TRIP10: variants seen among roughly 807,000 people sequenced by gnomAD.
TRIP10 encodes the protein thyroid hormone receptor interactor 10, also known as cdc42-interacting protein 4.
TRIP10 carries 54 observed loss-of-function variants against 80.9 expected under a neutral mutation model. That is an observed-to-expected ratio of 0.67 (90% CI 0.54 to 0.84). The LOEUF is 0.84. Ranked by LOEUF, TRIP10 falls within the 40% of genes least tolerant of loss-of-function variation. The pLI, the probability that TRIP10 is intolerant of heterozygous loss-of-function variation, is 0.00. For missense variants in TRIP10, 773 were observed against 815.3 expected, an observed-to-expected ratio of 0.95 and a Z score of 0.63; for synonymous variants, 321 against 307.2, an observed-to-expected ratio of 1.04 and a Z score of -0.47.
rs995385222 is a variant in TRIP10, at chr19:6,745,184, G to A, written c.984+190G>A. The A allele has an allele frequency of 1.3e-5, 10 of 768,938 alleles. No homozygotes were observed. The highest frequency in any genetic ancestry group is 1.9e-5 in the South Asian group (1 of 51,566). 47.6% of individuals were successfully genotyped at this position (768,938 alleles called of 1,614,324 possible). A position where few individuals can be genotyped will look rare whatever the true frequency, so the allele number is the denominator to read the frequency against. Reference sequence around the variant, plus strand: ...TGGGAGTCCCCCGAGGCGAAGGCGGGGGCAGGGTGGGGAGGTGGGGAGGTC... The same window carrying A: ...TGGGAGTCCCCCGAGGCGAAGGCGGAGGCAGGGTGGGGAGGTGGGGAGGTC... On this transcript the variant is annotated intron_variant, in intron 9 of 14. Transcript: ENST00000313244. This position sits in a 1 kb window ranked among gnomAD's most constrained non-coding sequence, Gnocchi z 7.2.
intron 14 of TRIP10, 129 bp downstream of exon 14, chr19:6,750,762 G>A (rs1272947974): frequency 7.3e-7 from 1 of 1,368,456 alleles, no homozygotes; most frequent in Non-Finnish European, 9.9e-7. Context: ...TTGGGAAGCT[G>A]AGGCAGGCAG....
At position 6,744,645 on chromosome 19, in the gene TRIP10, T is replaced by C. The variant is rs1009097175; in HGVS notation, c.734T>C (p.Ile245Thr). 3.1e-6 allele frequency: 5 copies of C among 1,613,186 alleles called. No individual in the cohort carries two copies. In the African/African-American group the frequency reaches 4.0e-5, roughly 13 times the overall value. ...SEAELEVVPIIAKCLEGMKVA... is the reference protein window; with the variant it reads ...SEAELEVVPITAKCLEGMKVA... Reference sequence around the variant, plus strand: ...GCCGAGCTGGAGGTGGTGCCCATAATAGCCAAGTGCTTGGAGGGCATGAAG... The same window carrying C: ...GCCGAGCTGGAGGTGGTGCCCATAACAGCCAAGTGCTTGGAGGGCATGAAG... Residue 245 changes from isoleucine (I) to threonine (T), a missense_variant, in exon 8 of 15, where the codon ATA becomes ACA. By Grantham distance (89) the Ile-to-Thr change is moderately conservative. Coordinates refer to ENST00000313244, the MANE Select transcript of TRIP10 (RefSeq NM_001288962.2). This position sits in a 1 kb window ranked among gnomAD's most constrained non-coding sequence, Gnocchi z 4.9.
rs554644556 is a variant in TRIP10, at chr19:6,742,741, C to T, written c.198-226C>T. 4.0e-4 allele frequency among the ~76,000 whole-genome samples: 59 copies of T among 148,838 alleles called. 1 individual carries two copies. The highest frequency in any genetic ancestry group is 3.4e-3 in the Middle Eastern group (1 of 294). On this transcript the variant is annotated intron_variant, in intron 3 of 14. Coordinates refer to ENST00000313244, the MANE Select transcript of TRIP10 (RefSeq NM_001288962.2). ...AGGCTGCAGTGAGACGCAATCATGC[C>T]GCTGCACTGCAGCCTGGGTGACAGC...
At chr19:6,743,158 G>C in intron 4 of TRIP10, 36 bp from the exon 5 acceptor site, 2 of 1,614,064 alleles carry the variant, frequency 1.2e-6, no homozygotes, top group African/African-American at 2.7e-5. Flanking sequence ...GCTTCTGCTG[G>C]AACCCTGGCG....
chr19:6,746,255 G>A lies in TRIP10; in HGVS notation c.1152+59G>A. ...GCCCTAGCCTGCCCAGCGGCGGGTGGCGGGACCCTGGGCTCGCTTCCTGCC... is the reference window on the plus strand; with the variant it reads ...GCCCTAGCCTGCCCAGCGGCGGGTGACGGGACCCTGGGCTCGCTTCCTGCC... On this transcript the variant is annotated intron_variant, in intron 10 of 14. Coordinates refer to ENST00000313244, the MANE Select transcript of TRIP10 (RefSeq NM_001288962.2). This position sits in a 1 kb window ranked among gnomAD's most constrained non-coding sequence, Gnocchi z 6.2. 6.7e-7 allele frequency: 1 copy of A among 1,483,860 alleles called. No homozygotes were observed. Among genetic ancestry groups the A allele is most frequent in the South Asian group, 1.4e-5 (1 of 73,666 alleles). 91.9% of individuals were successfully genotyped at this position (1,483,860 alleles called of 1,614,324 possible).
intron 6 of TRIP10, 27 bp downstream of exon 6, chr19:6,743,625 G>GTGGGGGGGGGGGGGGGGGGGGGGGGT: frequency 7.7e-7 from 1 of 1,295,424 alleles, no homozygotes; most frequent in Admixed American, 1.9e-5. Flanking sequence ...CGGGGGGGGG[G>GTGGGGGGGGGGGGGGGGGGGGGGGGT]TGCGGGGTCT....
At position 6,746,052 on chromosome 19, in the gene TRIP10, C is replaced by G. The variant is rs1014344997; in HGVS notation, c.1008C>G (p.Pro336=). 2.5e-5 allele frequency: 36 copies of G among 1,437,134 alleles called. No individual in the cohort carries two copies. Among genetic ancestry groups the G allele is most frequent in the Middle Eastern group, 1.9e-4 (1 of 5,314 alleles). The allele number at this position is 1,437,134 out of a possible 1,614,324, so 89.0% of individuals were successfully genotyped here. The change falls in exon 10 of 15, where the codon CCC becomes CCG. Residue 336 remains proline (P), a synonymous_variant. Coordinates refer to ENST00000313244, the MANE Select transcript of TRIP10 (RefSeq NM_001288962.2). This position sits in a 1 kb window ranked among gnomAD's most constrained non-coding sequence, Gnocchi z 6.2. ...KNKPRPPPLS[P]LGGPVPSALP... Reference sequence around the variant, plus strand: ...AGCCTCGCCCCCCACCCCTCTCCCCCCTGGGGGGCCCCGTACCCTCGGCAT... The same window carrying G: ...AGCCTCGCCCCCCACCCCTCTCCCCGCTGGGGGGCCCCGTACCCTCGGCAT...
rs777753704 is a variant in TRIP10 at position 6,749,974 on chromosome 19, C to A, written c.1303C>A (p.Pro435Thr). ...KKMKDVYEKT[P>T]QMGDPASLEP... ...AATGAAGGATGTCTATGAGAAGACA[C>A]CTCAGATGGGGGACCCCGCCAGCTT... Residue 435 changes from proline (P) to threonine (T), a missense_variant, in exon 12 of 15, where the codon CCT becomes ACT. By Grantham distance (38) the Pro-to-Thr change is conservative. Transcript: ENST00000313244. 6.2e-7 allele frequency: 1 copy of A among 1,614,164 alleles called. No individual in the cohort carries two copies. The highest frequency in any genetic ancestry group is 2.2e-5 in the East Asian group (1 of 44,890).
chr19:6,744,352 G>A lies in TRIP10; in HGVS notation c.643-202G>A, dbSNP rs987990552. Reference sequence around the variant, plus strand: ...GCCTTTGCTGACCCCCTAGGCACGCGTCCCCCTCTGAGATCCCCCTGGCCC... The same window carrying A: ...GCCTTTGCTGACCCCCTAGGCACGCATCCCCCTCTGAGATCCCCCTGGCCC... On this transcript the variant is annotated intron_variant, in intron 7 of 14. Transcript: ENST00000313244. The surrounding 1 kb of genome is among the most constrained non-coding windows in gnomAD (Gnocchi z 4.9). Among the ~76,000 whole-genome samples the A allele has an allele frequency of 2.0e-5, 3 of 152,060 alleles. No homozygotes were observed. The highest frequency in any genetic ancestry group is 4.8e-5 in the African/African-American group (2 of 41,386).
chr19:6,750,953 G>A, intron 14 of TRIP10, 110 bp from the exon 15 acceptor site: 10 of 1,396,154 alleles, frequency 7.2e-6, no homozygotes, highest in Non-Finnish European at 9.4e-6. Context: ...CAAGATCCGT[G>A]CCACTGCACT....
At chr19:6,743,399 C>G in intron 5 of TRIP10, 95 bp from the exon 6 acceptor site, 1 of 1,533,176 alleles carries the variant, frequency 6.5e-7, no homozygotes, top group Non-Finnish European at 9.0e-7. Flanking sequence ...CCCCTACTTA[C>G]TGGATGACAT....
chr19:6,741,168 G>A (rs1040783701), intron 2 of TRIP10, 43 bp downstream of exon 2: 1 of 1,613,758 alleles, frequency 6.2e-7, no homozygotes, highest in Non-Finnish European at 8.5e-7. Context: ...CGCCTGGGGC[G>A]ACGGGGAGCG....
Position 6,751,095 on chromosome 19 carries a change from G to A in TRIP10, c.1690G>A (p.Gly564Ser), listed in dbSNP as rs1277693810. 6.2e-7 allele frequency: 1 copy of A among 1,607,222 alleles called. No individual in the cohort carries two copies. Among genetic ancestry groups the A allele is most frequent in the Admixed American group, 1.7e-5 (1 of 59,542 alleles). Residue 564 changes from glycine to serine, a missense_variant, in exon 15 of 15, where the codon GGT (glycine) becomes AGT (serine). Coordinates refer to ENST00000313244, the MANE Select transcript of TRIP10 (RefSeq NM_001288962.2). The stretch of plus-strand genomic sequence containing the variant: ...CGAGGGCACTATCTCTATGGCCGAG[G>A]GTGAAGACCTCAGTCTTATGGAAGA... ...SSEGTISMAE[G>S]EDLSLMEEDK...
Position 6,744,648 on chromosome 19 carries a change from C to A in TRIP10, c.737C>A (p.Ala246Asp). ...GAGCTGGAGGTGGTGCCCATAATAG[C>A]CAAGTGCTTGGAGGGCATGAAGGTG... ...EAELEVVPIIAKCLEGMKVAA... is the reference protein window; with the variant it reads ...EAELEVVPIIDKCLEGMKVAA... Residue 246 changes from alanine (A) to aspartate (D), a missense_variant, in exon 8 of 15, where the codon GCC (alanine) becomes GAC (aspartate). By Grantham distance (126) the Ala-to-Asp change is moderately radical. Coordinates refer to ENST00000313244, the MANE Select transcript of TRIP10 (RefSeq NM_001288962.2). This position sits in a 1 kb window ranked among gnomAD's most constrained non-coding sequence, Gnocchi z 4.9. 1 of 1,613,044 alleles carries A rather than the reference C, an allele frequency of 6.2e-7. No homozygotes were observed. Among genetic ancestry groups the A allele is most frequent in the Non-Finnish European group, 8.5e-7 (1 of 1,179,520 alleles).
chr19:6,751,071 G>A lies in TRIP10; in HGVS notation c.1666G>A (p.Glu556Lys), dbSNP rs749931546. 2.6e-5 allele frequency: 41 copies of A among 1,562,210 alleles called. No homozygotes were observed. The highest frequency in any genetic ancestry group is 8.2e-5 in the African/African-American group (6 of 72,994). ...CCCCACCCCCATCACAGGGTCCAGC[G>A]AGGGCACTATCTCTATGGCCGAGGG... is the stretch of plus-strand genomic sequence containing the variant. ...VAIYHFEGSS[E>K]GTISMAEGED... Residue 556 changes from glutamate to lysine, a missense_variant, in exon 15 of 15, where the codon GAG becomes AAG. Glu to Lys is a moderately conservative substitution (Grantham distance 56). Transcript: ENST00000313244.
rs1968845914 is a variant in TRIP10 at position 6,739,694 on chromosome 19, A to AGGGCTGC, written c.-64_-63insTGCGGGC. The AGGGCTGC allele has an allele frequency of 4.2e-5, 42 of 988,506 alleles. 1 individual carries two copies. Among genetic ancestry groups the AGGGCTGC allele is most frequent in the Middle Eastern group, 4.3e-4 (1 of 2,312 alleles). The allele number at this position is 988,506 out of a possible 1,614,324, so 61.2% of individuals were successfully genotyped here. On this transcript the variant is annotated 5_prime_UTR_variant, in exon 1 of 15. Coordinates refer to ENST00000313244, the MANE Select transcript of TRIP10 (RefSeq NM_001288962.2). Reference sequence around the variant, plus strand: ...CGCCCTCGGCTGAGTCTCCCCGGGGAGGGCGGCGGGCGGCGGGCGGCGGGG... The same window carrying AGGGCTGC: ...CGCCCTCGGCTGAGTCTCCCCGGGGAGGGCTGCGGGCGGCGGGCGGCGGGCGGCGGGG...
intron 7 of TRIP10, 54 bp downstream of exon 7, chr19:6,743,890 C>T: frequency 6.2e-7 from 1 of 1,603,102 alleles, no homozygotes; most frequent in Non-Finnish European, 8.5e-7. Flanking sequence ...AAATGTTAGC[C>T]AACTCCTACG....
intron 5 of TRIP10, 49 bp from the exon 6 acceptor site, chr19:6,743,445 C>A: frequency 6.3e-7 from 1 of 1,596,766 alleles, no homozygotes; most frequent in Non-Finnish European, 8.6e-7. Flanking sequence ...TCCCACCCTG[C>A]TGTCTTTGGG....
Position 6,745,074 on chromosome 19 carries a change from A to G in TRIP10, c.984+80A>G, listed in dbSNP as rs2145542599. ...GTGGGGCCCCTATTGAGTCAGCCCC[A>G]GCCGCCTGAACGCCGAGTCTCGGGC... On this transcript the variant is annotated intron_variant, in intron 9 of 14. Transcript: ENST00000313244. This position sits in a 1 kb window ranked among gnomAD's most constrained non-coding sequence, Gnocchi z 7.2. 2.0e-6 allele frequency: 3 copies of G among 1,493,756 alleles called. No individual in the cohort carries two copies. In the East Asian group the frequency reaches 7.1e-5, roughly 35 times the overall value. 92.5% of individuals were successfully genotyped at this position (1,493,756 alleles called of 1,614,324 possible). A position where few individuals can be genotyped will look rare whatever the true frequency, so the allele number is the denominator to read the frequency against.
Sources: gnomAD v4.1 joint callset for allele counts (sites outside exome capture counted in the v4.1 genomes callset) on GRCh38, gnomAD v4.1.1 for gene constraint, Gnocchi (gnomAD v3.1) non-coding constraint, MANE v1.5 for transcripts, NCBI Gene and HGNC (gene_info 2026-07-23, HGNC 2026-07-21) for gene names.